Variants in DECR1 observed in about 807,000 individuals in gnomAD.
DECR1 encodes 2,4-dienoyl-CoA reductase 1.
In DECR1, 44 loss-of-function variants were observed where a neutral mutation model predicts 38.8. That is an observed-to-expected ratio of 1.13 (90% CI 0.89 to 1.46). The LOEUF (loss-of-function observed/expected upper bound fraction) is 1.46. DECR1 is among the 40% of genes most tolerant of loss of function. The pLI is 0.00. For missense variants in DECR1, 428 were observed against 405.5 expected (o/e 1.06, Z -0.48); for synonymous variants, 148 against 135.2 (o/e 1.09, Z -0.66).
At chr8:90,026,271 T>C (rs1027269558) in intron 5 of DECR1, among the ~76,000 whole-genome samples, 2 of 152,240 alleles carry the variant, frequency 1.3e-5, no homozygotes, top group Admixed American at 1.3e-4. Context: ...TCTTTTTCTA[T>C]TGATTGGAAT....
In DECR1 at chr8:90,001,501, A is replaced by G; in HGVS notation, c.9A>G (p.Leu3=). Reference sequence around the variant, plus strand: ...AGTTCTGGAGACTCAACATGAAGCTACCGGCCAGGGTTTTCTTTACTCTGG... The same window carrying G: ...AGTTCTGGAGACTCAACATGAAGCTGCCGGCCAGGGTTTTCTTTACTCTGG... The part of the protein sequence containing the change: MK[L]PARVFFTLGS... Residue 3 remains leucine (L), a synonymous_variant, in exon 1 of 10, where the codon CTA becomes CTG. Transcript: ENST00000220764. 1.2e-6 allele frequency: 2 copies of G among 1,613,980 alleles called. No individual in the cohort carries two copies. Among genetic ancestry groups the G allele is most frequent in the African/African-American group, 1.3e-5 (1 of 75,032 alleles).
intron 1 of DECR1, among the ~76,000 whole-genome samples, chr8:90,011,745 T>C (rs1812887473): frequency 1.3e-5 from 2 of 152,346 alleles, no homozygotes; most frequent in African/African-American, 4.8e-5. Context: ...TTAATGTATA[T>C]CTTTGATCAT....
chr8:90,010,447 A>G (rs958495621), intron 1 of DECR1, among the ~76,000 whole-genome samples: 8 of 152,238 alleles, frequency 5.3e-5, no homozygotes, highest in Non-Finnish European at 1.2e-4. Context: ...TGGTGTGGCC[A>G]TTGGAAAGAA....
intron 5 of DECR1, 125 bp downstream of exon 5, chr8:90,021,181 G>A (rs1288883184): frequency 1.6e-6 from 1 of 607,982 alleles, no homozygotes; most frequent in African/African-American, 1.9e-5. Flanking sequence ...GTGTAATGGA[G>A]AAAAATGATA....
At chr8:90,013,969 T>C (rs866728268) in intron 1 of DECR1, among the ~76,000 whole-genome samples, 10 of 152,062 alleles carry the variant, frequency 6.6e-5, no homozygotes, top group South Asian at 2.1e-4. Flanking sequence ...TTATATGATG[T>C]AGGAGAGGGA....
intron 5 of DECR1, among the ~76,000 whole-genome samples, chr8:90,027,772 T>A (rs575728831): frequency 8.5e-5 from 13 of 152,138 alleles, no homozygotes; most frequent in African/African-American, 3.1e-4. Context: ...TAGTTTTTTT[T>A]TTAAAAAAAA....
At chr8:90,012,297 C>T (rs1346053542) in intron 1 of DECR1, among the ~76,000 whole-genome samples, 3 of 151,784 alleles carry the variant, frequency 2.0e-5, no homozygotes, top group South Asian at 2.1e-4. Flanking sequence ...GGACTACAGG[C>T]GCATGCCACC....
intron 1 of DECR1, among the ~76,000 whole-genome samples, chr8:90,014,102 G>A (rs1210559304): frequency 2.0e-5 from 3 of 152,052 alleles, no homozygotes; most frequent in African/African-American, 7.2e-5. Context: ...AGAATTTTAG[G>A]TCACTAAAGA....
intron 5 of DECR1, among the ~76,000 whole-genome samples, chr8:90,028,731 T>A (rs934167057): frequency 1.4e-4 from 22 of 152,068 alleles, no homozygotes; most frequent in African/African-American, 5.3e-4. Context: ...CTTTCTTTTT[T>A]TCCCTTATAA....
chr8:90,041,970 A>G (rs1813775577), intron 6 of DECR1, among the ~76,000 whole-genome samples: 1 of 152,208 alleles, frequency 6.6e-6, no homozygotes, highest in South Asian at 2.1e-4. Flanking sequence ...ACACACAAAT[A>G]TACATATGAA....
intron 6 of DECR1, among the ~76,000 whole-genome samples, chr8:90,037,565 G>C (rs1813645324): frequency 6.6e-6 from 1 of 151,368 alleles, no homozygotes; most frequent in African/African-American, 2.4e-5. Context: ...TCCCACCTTA[G>C]CCTCCCAAGT....
intron 6 of DECR1, among the ~76,000 whole-genome samples, chr8:90,041,513 G>C (rs954720815): frequency 1.3e-5 from 2 of 152,212 alleles, no homozygotes; most frequent in South Asian, 2.1e-4. Flanking sequence ...TTTGAACTTA[G>C]CCCATTTTAT....
chr8:90,018,802 C>T (rs755961415), intron 2 of DECR1, 107 bp from the exon 3 acceptor site: 2 of 886,596 alleles, frequency 2.3e-6, no homozygotes, highest in South Asian at 2.9e-5. Context: ...TAAATAACAT[C>T]TATACTTTCT....
chr8:90,021,805 C>T (rs1813170606), intron 5 of DECR1, among the ~76,000 whole-genome samples: 1 of 151,948 alleles, frequency 6.6e-6, no homozygotes, highest in Non-Finnish European at 1.5e-5. Flanking sequence ...GATGATAATA[C>T]CAATGAGATT....
rs760589420 is a variant in DECR1, at chr8:90,018,930, T to C, written c.294T>C (p.Ala98=). The C allele has an allele frequency of 6.3e-6, 10 of 1,595,758 alleles. No homozygotes were observed. The highest frequency in any genetic ancestry group is 8.6e-6 in the Non-Finnish European group (10 of 1,167,244). ...IASRKMDVLK[A]TAEQISSQTG... ...CTAGGAAGATGGATGTTTTGAAAGC[T>C]ACCGCAGAACAAATTTCTTCTCAAA... Residue 98 remains alanine (A), a synonymous_variant, in exon 3 of 10, where the codon GCT becomes GCC. Coordinates refer to ENST00000220764, the MANE Select transcript of DECR1 (RefSeq NM_001359.2).
chr8:90,035,463 T>C (rs1314558396), intron 5 of DECR1, among the ~76,000 whole-genome samples: 1 of 152,092 alleles, frequency 6.6e-6, no homozygotes, highest in Non-Finnish European at 1.5e-5. Flanking sequence ...CTTCTACAGC[T>C]AAGCTTATTT....
chr8:90,036,095 C>A (rs1380252442), intron 5 of DECR1, among the ~76,000 whole-genome samples: 1 of 152,102 alleles, frequency 6.6e-6, no homozygotes, highest in African/African-American at 2.4e-5. Context: ...TAAACATGTA[C>A]AGCTTATTTG....
In DECR1 at chr8:90,044,852, G is replaced by GC; in HGVS notation, c.744dup (p.Phe249LeufsTer2). 2 of 1,606,960 alleles carry GC rather than the reference G, an allele frequency of 1.2e-6. No individual in the cohort carries two copies. Among genetic ancestry groups the GC allele is most frequent in the Non-Finnish European group, 1.7e-6 (2 of 1,177,216 alleles). On this transcript the variant is annotated frameshift_variant, in exon 8 of 10. Transcript: ENST00000220764. LOFTEE classifies it high-confidence loss of function. ...AATTGTTTTCTTAATTTCTAAGGGTGCCTTTAGCCGTCTGGACCCAACTGG... is the reference window on the plus strand; with the variant it reads ...AATTGTTTTCTTAATTTCTAAGGGTGCCCTTTAGCCGTCTGGACCCAACTGG...
intron 1 of DECR1, among the ~76,000 whole-genome samples, chr8:90,002,091 G>A (rs555542739): frequency 9.2e-5 from 14 of 152,242 alleles, no homozygotes; most frequent in African/African-American, 3.1e-4. Flanking sequence ...GGGAAGAGAC[G>A]TGATTTTCGA....
Sources: allele counts gnomAD v4.1 joint callset (sites outside exome capture counted in the v4.1 genomes callset), GRCh38; gene constraint gnomAD v4.1.1; transcripts MANE v1.5; gene names NCBI Gene and HGNC (gene_info 2026-07-23, HGNC 2026-07-21).